RORC: variants seen among roughly 807,000 people sequenced by gnomAD.
The protein encoded by RORC is nuclear receptor ROR-gamma.
A neutral mutation model predicts 64.5 loss-of-function variants in RORC; 13 were observed. The observed-to-expected ratio is 0.20, with a 90% CI of 0.13 to 0.32. The LOEUF (loss-of-function observed/expected upper bound fraction) is 0.32. Among genes scored for constraint, RORC ranks in the 10% least tolerant of loss-of-function variants. The pLI, the probability that RORC is intolerant of heterozygous loss-of-function variation, is 1.00. For missense variants in RORC, 468 were observed against 669.5 expected (o/e 0.70, Z 3.32); for synonymous variants, 277 against 259.3 (o/e 1.07, Z -0.65).
chr1:151,826,986 C>T (rs1178901929), intron 2 of RORC, among the ~76,000 whole-genome samples: 2 of 152,076 alleles, frequency 1.3e-5, no homozygotes, highest in East Asian at 1.9e-4. Flanking sequence ...GGCATGGTGG[C>T]GAGCACCTGT....
chr1:151,808,227 T>C (rs1331493821), intron 10 of RORC, among the ~76,000 whole-genome samples: 1 of 152,222 alleles, frequency 6.6e-6, no homozygotes, highest in Non-Finnish European at 1.5e-5. Context: ...GCTTAGCACA[T>C]GGCACATGCT....
At chr1:151,829,061 C>T (rs368577959) in intron 2 of RORC, among the ~76,000 whole-genome samples, 7 of 151,932 alleles carry the variant, frequency 4.6e-5, no homozygotes, top group African/African-American at 9.7e-5. Flanking sequence ...GAGGCCACCC[C>T]GCCTCCGCAC....
intron 4 of RORC, among the ~76,000 whole-genome samples, chr1:151,815,774 T>C (rs373131470): frequency 6.6e-6 from 1 of 152,138 alleles, no homozygotes; most frequent in African/African-American, 2.4e-5. Flanking sequence ...TCAAGCTGTA[T>C]TGGGGTCACC....
intron 9 of RORC, 63 bp from the exon 10 acceptor site, chr1:151,811,497 A>AGATACACCCTTTTGTTGGG: frequency 2.0e-6 from 2 of 1,010,108 alleles, no homozygotes; most frequent in Non-Finnish European, 1.5e-6. Context: ...CTCCCAACAA[A>AGATACACCCTTTTGTTGGG]AGGGTGTATC....
chr1:151,808,530 C>T (rs1342983223), intron 10 of RORC, among the ~76,000 whole-genome samples: 1 of 152,108 alleles, frequency 6.6e-6, no homozygotes, highest in East Asian at 1.9e-4. Context: ...GGGTGTGATC[C>T]CTTCATATCT....
Position 151,829,349 on chromosome 1 carries a change from T to TC in RORC, c.70+79dup, listed in dbSNP as rs1217849228. On this transcript the variant is annotated intron_variant, in intron 2 of 10. Coordinates refer to ENST00000318247, the MANE Select transcript of RORC (RefSeq NM_005060.4). ...CTCCTCCACCTCTGTCCAACCTCAGTCCCCCCACAGATCACTTGCTGAATT... is the reference window on the plus strand; with the variant it reads ...CTCCTCCACCTCTGTCCAACCTCAGTCCCCCCCACAGATCACTTGCTGAATT... 5.5e-5 allele frequency: 75 copies of TC among 1,357,488 alleles called. 1 individual carries two copies. The highest frequency in any genetic ancestry group is 2.7e-5 in the Admixed American group (1 of 37,516). The allele number at this position is 1,357,488 out of a possible 1,614,324, so 84.1% of individuals were successfully genotyped here. A position where few individuals can be genotyped will look rare whatever the true frequency, so the allele number is the denominator to read the frequency against.
At chr1:151,831,117 C>T (rs1202037044) in intron 1 of RORC, 2 of 1,285,830 alleles carry the variant, frequency 1.6e-6, no homozygotes, top group East Asian at 5.6e-5. Flanking sequence ...GCTGATGGCC[C>T]AGTGCCCCAC....
intron 9 of RORC, chr1:151,811,973 C>T (rs778154054): frequency 2.0e-5 from 3 of 152,398 alleles, no homozygotes; most frequent in African/African-American, 4.8e-5. Flanking sequence ...CTGATAGTCT[C>T]GATCTGCAAA....
In RORC at chr1:151,830,210, G is replaced by C. The variant is rs1169441524; in HGVS notation, c.41-752C>G. 6.6e-6 allele frequency among the ~76,000 whole-genome samples: 1 copy of C among 152,160 alleles called. No individual in the cohort carries two copies. The highest frequency in any genetic ancestry group is 1.5e-5 in the Non-Finnish European group (1 of 68,030). The stretch of plus-strand genomic sequence containing the variant: ...GGCTTCCCTGGCCTACCAGCCTGAA[G>C]AGGAAGGCCTCCCTTCTCTGCTGCT... On this transcript the variant is annotated intron_variant, in intron 1 of 10. Transcript: ENST00000318247. The surrounding 1 kb of genome is among the most constrained non-coding windows in gnomAD (Gnocchi z 4.0).
intron 10 of RORC, among the ~76,000 whole-genome samples, chr1:151,810,918 T>C (rs1651499172): frequency 6.6e-6 from 1 of 152,164 alleles, no homozygotes; most frequent in Admixed American, 6.5e-5. Flanking sequence ...ACTCTGTTAA[T>C]TGCATTATTA....
At position 151,815,243 on chromosome 1, in the gene RORC, C is replaced by T. The variant is rs1430337140; in HGVS notation, c.481G>A (p.Gly161Ser). The change falls in exon 5 of 11, where the codon GGC (glycine) becomes AGC (serine). Residue 161 changes from glycine to serine, a missense_variant. Around this residue, in one of 5 missense-constraint regions of RORC, gnomAD observed 241 missense variants for 295.5 expected, o/e 0.82. Transcript: ENST00000318247. ...GCCTCAGGCAGGTCAGGCGAGGAGC[C>T]CAGGGGCAGCTGCCCGTCTGGGAGC... ...LGLPDGQLPL[G>S]SSPDLPEASA... 1 of 1,610,704 alleles carries T rather than the reference C, an allele frequency of 6.2e-7. No homozygotes were observed. Among genetic ancestry groups the T allele is most frequent in the Admixed American group, 1.7e-5 (1 of 59,756 alleles).
chr1:151,807,209 G>A lies in RORC; in HGVS notation c.*263C>T, dbSNP rs1651348488. The A allele has an allele frequency of 5.2e-6, 2 of 381,292 alleles. No homozygotes were observed. Among genetic ancestry groups the A allele is most frequent in the East Asian group, 4.1e-5 (1 of 24,232 alleles). The allele number at this position is 381,292 out of a possible 1,614,324, so 23.6% of individuals were successfully genotyped here. On this transcript the variant is annotated 3_prime_UTR_variant, in exon 11 of 11. Coordinates refer to ENST00000318247, the MANE Select transcript of RORC (RefSeq NM_005060.4). This position sits in a 1 kb window ranked among gnomAD's most constrained non-coding sequence, Gnocchi z 5.0. ...CCCAGCCACCCCATGCCTTCCAGAA[G>A]CTGGGTGTGAAGGAATATGGGAAAT...
intron 2 of RORC, among the ~76,000 whole-genome samples, chr1:151,818,636 A>G (rs1217109980): frequency 6.6e-6 from 1 of 152,056 alleles, no homozygotes; most frequent in African/African-American, 2.4e-5. Flanking sequence ...TTCCACCATC[A>G]CTGACCTGCT....
rs200854121 is a variant in RORC, at chr1:151,811,364, A to T, written c.1356T>A (p.His452Gln). Residue 452 changes from histidine (H) to glutamine (Q), a missense_variant, in exon 10 of 11, where the codon CAT becomes CAA. Physicochemically the swap from His to Gln is conservative, Grantham distance 24. Transcript: ENST00000318247. Reference protein sequence around the residue: ...LQYNLELAFHHHLCKTHRQSI... With the variant: ...LQYNLELAFHQHLCKTHRQSI... ...TTTGGCGATGAGTCTTGCAGAGATG[A>T]TGATGAAAGGCCAGCTCCAGATTGT... The T allele has an allele frequency of 5.0e-6, 8 of 1,613,894 alleles. No homozygotes were observed. Among genetic ancestry groups the T allele is most frequent in the Non-Finnish European group, 5.9e-6 (7 of 1,179,940 alleles).
chr1:151,808,489 G>T (rs1360212726), intron 10 of RORC, among the ~76,000 whole-genome samples: 1 of 152,150 alleles, frequency 6.6e-6, no homozygotes, highest in African/African-American at 2.4e-5. Context: ...AGTTTCCTTG[G>T]AAAGAGGCAG....
Position 151,807,733 on chromosome 1 carries a change from C to A in RORC, c.1396-100G>T. 3 of 1,329,026 alleles carry A rather than the reference C, an allele frequency of 2.3e-6. No individual in the cohort carries two copies. Among genetic ancestry groups the A allele is most frequent in the Non-Finnish European group, 3.1e-6 (3 of 962,316 alleles). The allele number at this position is 1,329,026 out of a possible 1,614,324, so 82.3% of individuals were successfully genotyped here. ...CCTGGGCTAGGACAAACCCTCCTTG[C>A]CTTCCCCTTATGTACTTGGCACTTT... On this transcript the variant is annotated intron_variant, in intron 10 of 10. Transcript: ENST00000318247. This position sits in a 1 kb window ranked among gnomAD's most constrained non-coding sequence, Gnocchi z 5.0.
Position 151,830,739 on chromosome 1 carries a change from G to T in RORC, c.40+986C>A, listed in dbSNP as rs1338918192. Among the ~76,000 whole-genome samples, 4 of 151,922 alleles carry T rather than the reference G, an allele frequency of 2.6e-5. No homozygotes were observed. The East Asian group carries it at 5.8e-4, about 22-fold the overall frequency. On this transcript the variant is annotated intron_variant, in intron 1 of 10. Transcript: ENST00000318247. The surrounding 1 kb of genome is among the most constrained non-coding windows in gnomAD (Gnocchi z 4.0). ...CTGTGTGGAGGCGAGTGGCCTGATG[G>T]CCTGGGCTCTGCTGGGGTGAGGGAG... is the stretch of plus-strand genomic sequence containing the variant.
At chr1:151,819,476 C>G (rs1254734795) in intron 2 of RORC, among the ~76,000 whole-genome samples, 6 of 152,172 alleles carry the variant, frequency 3.9e-5, no homozygotes, top group Admixed American at 2.0e-4. Context: ...AACACCTCCC[C>G]CTCCAACACT....
intron 2 of RORC, among the ~76,000 whole-genome samples, chr1:151,828,164 C>G (rs1011048773): frequency 3.9e-5 from 6 of 152,176 alleles, no homozygotes; most frequent in African/African-American, 1.4e-4. Context: ...ATGCTTTGCT[C>G]TCTGAGATGT....
Sources: allele counts gnomAD v4.1 joint callset (sites outside exome capture counted in the v4.1 genomes callset), GRCh38; gene constraint gnomAD v4.1.1; regional missense constraint gnomAD v4.1.1; non-coding constraint Gnocchi (gnomAD v3.1); transcripts MANE v1.5; gene names NCBI Gene and HGNC (gene_info 2026-07-23, HGNC 2026-07-21).